Variants in SSR2 observed in about 807,000 individuals in gnomAD.
SSR2 encodes the protein translocon-associated protein subunit beta.
In SSR2, 16 loss-of-function variants were observed where a neutral mutation model predicts 22.6. The ratio of observed to expected loss-of-function variants is 0.71; its 90% CI spans 0.48 to 1.08. SSR2 has a LOEUF of 1.08. Among genes scored for constraint, SSR2 ranks in the 50% least tolerant of loss-of-function variants. The pLI is 0.00. For synonymous variants in SSR2, 83 were observed against 91.2 expected (o/e 0.91, Z 0.51); for missense variants, 171 against 221.6 (o/e 0.77, Z 1.45).
intron 5 of SSR2, among the ~76,000 whole-genome samples, chr1:156,009,868 G>C (rs909639803): frequency 2.6e-5 from 4 of 152,172 alleles, no homozygotes; most frequent in African/African-American, 9.7e-5. Context: ...CCGCCTCCAG[G>C]GTTCAAATGA....
In SSR2 at chr1:156,020,005, C is replaced by T; in HGVS notation, c.155+8G>A. Reference sequence around the variant, plus strand: ...GGCTTAATCTGTAACTCTAGGGCCTCGAGTTACCTTGAGCCAACATTGTAG... The same window carrying T: ...GGCTTAATCTGTAACTCTAGGGCCTTGAGTTACCTTGAGCCAACATTGTAG... On this transcript the variant is annotated splice_region_variant and intron_variant, in intron 2 of 5. Coordinates refer to ENST00000295702, the MANE Select transcript of SSR2 (RefSeq NM_003145.4). The T allele has an allele frequency of 6.2e-7, 1 of 1,611,064 alleles. No homozygotes were observed. The highest frequency in any genetic ancestry group is 2.2e-5 in the East Asian group (1 of 44,810).
At chr1:156,017,739 GTTT>G (rs757236241) in intron 3 of SSR2, among the ~76,000 whole-genome samples, 7 of 61,902 alleles carry the variant, frequency 1.1e-4, no homozygotes, top group African/African-American at 4.7e-4. Context: ...TATGTTTCAG[GTTT>G]TTTTTTTTTT....
intron 3 of SSR2, among the ~76,000 whole-genome samples, chr1:156,016,299 T>C (rs1297218746): frequency 1.3e-5 from 2 of 151,940 alleles, no homozygotes; most frequent in East Asian, 1.9e-4. Flanking sequence ...AGTGGCATGA[T>C]CTCAGCTCAC....
At chr1:156,016,180 G>A (rs573527266) in intron 3 of SSR2, among the ~76,000 whole-genome samples, 1 of 151,974 alleles carries the variant, frequency 6.6e-6, no homozygotes, top group Non-Finnish European at 1.5e-5. Context: ...CATTCAATCA[G>A]TGCTTCTTCT....
Position 156,009,469 on chromosome 1 carries a change from C to A in SSR2, c.*71G>T. 1 of 1,216,858 alleles carries A rather than the reference C, an allele frequency of 8.2e-7. No individual in the cohort carries two copies. Among genetic ancestry groups the A allele is most frequent in the Admixed American group, 1.7e-5 (1 of 57,716 alleles). The allele number at this position is 1,216,858 out of a possible 1,614,324, so 75.4% of individuals were successfully genotyped here. A position where few individuals can be genotyped will look rare whatever the true frequency, so the allele number is the denominator to read the frequency against. ...TTGCATTTAAGATACCCTTTGGAGT[C>A]TGGAAAGCACCTGGATTTCTTGGGA... On this transcript the variant is annotated 3_prime_UTR_variant, in exon 6 of 6. Coordinates refer to ENST00000295702, the MANE Select transcript of SSR2 (RefSeq NM_003145.4).
Position 156,018,308 on chromosome 1 carries a change from C to G in SSR2, c.216G>C (p.Val72=). The part of the protein sequence containing the change: ...DSFPPEDFGI[V]SGMLNVKWDR... The stretch of plus-strand genomic sequence containing the variant: ...CCCATTTGACATTGAGCATTCCAGA[C>G]ACAATGCCAAAGTCTTCTGGAGGGA... Residue 72 remains valine, a synonymous_variant, in exon 3 of 6, where the codon GTG becomes GTC. Coordinates refer to ENST00000295702, the MANE Select transcript of SSR2 (RefSeq NM_003145.4). 6.2e-7 allele frequency: 1 copy of G among 1,614,110 alleles called. No individual in the cohort carries two copies. Among genetic ancestry groups the G allele is most frequent in the Non-Finnish European group, 8.5e-7 (1 of 1,179,984 alleles).
rs1028362128 is a variant in SSR2, at chr1:156,020,314, A to T, written c.1-147T>A. 13 of 762,524 alleles carry T rather than the reference A, an allele frequency of 1.7e-5. No individual in the cohort carries two copies. The African/African-American group carries it at 2.1e-4, about 12-fold the overall frequency. The allele number at this position is 762,524 out of a possible 1,614,324, so 47.2% of individuals were successfully genotyped here. On this transcript the variant is annotated intron_variant, in intron 1 of 5. Coordinates refer to ENST00000295702, the MANE Select transcript of SSR2 (RefSeq NM_003145.4). ...AGTAGTCCATAAGCCACCAGAGCAG[A>T]CCCGTTCTCCAGACTCTCCTACCAT...
In SSR2 at chr1:156,020,930, A is replaced by G. The variant is rs931094746; in HGVS notation, c.-43T>C. On this transcript the variant is annotated 5_prime_UTR_variant, in exon 1 of 6. Transcript: ENST00000295702. ...CCTTTCCGGAGCCACAAAGACAGGA[A>G]GAGAGCGTCAGCATCCGAAAGACCG... The G allele has an allele frequency of 2.5e-5, 12 of 471,170 alleles. No homozygotes were observed. The highest frequency in any genetic ancestry group is 4.0e-5 in the African/African-American group (2 of 50,090). 29.2% of individuals were successfully genotyped at this position (471,170 alleles called of 1,614,324 possible). A position where few individuals can be genotyped will look rare whatever the true frequency, so the allele number is the denominator to read the frequency against.
chr1:156,015,893 G>A (rs1206471166), intron 3 of SSR2, among the ~76,000 whole-genome samples: 1 of 151,830 alleles, frequency 6.6e-6, no homozygotes, highest in African/African-American at 2.4e-5. Flanking sequence ...GCTCATGCCT[G>A]TAATCCCAGC....
At chr1:156,020,469 G>A in intron 1 of SSR2, 1 of 333,886 alleles carries the variant, frequency 3.0e-6, no homozygotes, top group East Asian at 7.0e-5. Flanking sequence ...CCAGAGCAGG[G>A]CTTCCTTGGG....
chr1:156,012,199 C>T lies in SSR2; in HGVS notation c.364-312G>A. 3 of 309,662 alleles carry T rather than the reference C, an allele frequency of 9.7e-6. No homozygotes were observed. In the South Asian group the frequency reaches 1.0e-4, roughly 11 times the overall value. 19.2% of individuals were successfully genotyped at this position (309,662 alleles called of 1,614,324 possible). On this transcript the variant is annotated intron_variant, in intron 4 of 5. Coordinates refer to ENST00000295702, the MANE Select transcript of SSR2 (RefSeq NM_003145.4). ...TTAAAGCCAAATTCTTCTGTCTGAG[C>T]CTCAGACTCTGCAAAGAGTGAAGTT...
intron 5 of SSR2, chr1:156,011,272 G>T (rs1326245500): frequency 6.5e-6 from 1 of 152,732 alleles, no homozygotes; most frequent in Non-Finnish European, 1.5e-5. Flanking sequence ...GGCATTACAG[G>T]CATGAGCCAT....
intron 2 of SSR2, among the ~76,000 whole-genome samples, chr1:156,019,805 C>T (rs748703574): frequency 2.6e-5 from 4 of 152,124 alleles, no homozygotes; most frequent in Admixed American, 2.0e-4. Context: ...TCTTCCAACC[C>T]GAAACGTGAA....
chr1:156,011,784 A>G, intron 5 of SSR2, 26 bp downstream of exon 5: 2 of 1,598,596 alleles, frequency 1.3e-6, no homozygotes, highest in African/African-American at 2.7e-5. Flanking sequence ...CAAGGAACTG[A>G]TGAGAGAGAA....
intron 2 of SSR2, among the ~76,000 whole-genome samples, chr1:156,018,637 A>T (rs1203693555): frequency 1.3e-5 from 2 of 151,540 alleles, no homozygotes; most frequent in African/African-American, 4.9e-5. Flanking sequence ...GAACCCTGGG[A>T]GGCGGAGGTT....
chr1:156,019,349 A>C (rs982771965), intron 2 of SSR2: 35 of 344,566 alleles, frequency 1.0e-4, no homozygotes, highest in African/African-American at 6.7e-4. Flanking sequence ...AAGAAAGGCA[A>C]CAAAAATGCT....
At chr1:156,014,621 A>C in intron 4 of SSR2, 1 of 185,766 alleles carries the variant, frequency 5.4e-6, no homozygotes, top group Non-Finnish European at 1.1e-5. Context: ...GGCTCACTGC[A>C]ACCTCTGCCT....
chr1:156,016,453 G>C (rs1683058903), intron 3 of SSR2, among the ~76,000 whole-genome samples: 1 of 151,732 alleles, frequency 6.6e-6, no homozygotes, highest in Admixed American at 6.6e-5. Context: ...AGCCAGGATG[G>C]TCTCGATCTC....
chr1:156,009,549 C>T lies in SSR2; in HGVS notation c.543G>A (p.Lys181=). The change falls in exon 6 of 6, where the codon AAG becomes AAA. Residue 181 remains lysine (K), a synonymous_variant. Transcript: ENST00000295702. ...GCTGTGGAAGCCCCAATCAGTTCTT[C>T]TTCGTTTTGGGAGTGTCATATTTCC... ...SKRKYDTPKT[K]KN 1 of 1,612,328 alleles carries T rather than the reference C, an allele frequency of 6.2e-7. No homozygotes were observed. The highest frequency in any genetic ancestry group is 8.5e-7 in the Non-Finnish European group (1 of 1,178,942).
Sources: gnomAD v4.1 joint callset for allele counts (sites outside exome capture counted in the v4.1 genomes callset) on GRCh38, gnomAD v4.1.1 for gene constraint, MANE v1.5 for transcripts, NCBI Gene and HGNC (gene_info 2026-07-23, HGNC 2026-07-21) for gene names.